CTSO: variants seen among roughly 807,000 people sequenced by gnomAD.
The protein encoded by CTSO is cathepsin O.
CTSO carries 40 observed loss-of-function variants against 42.4 expected under a neutral mutation model. The ratio of observed to expected loss-of-function variants is 0.94; its 90% CI spans 0.73 to 1.23. The LOEUF (loss-of-function observed/expected upper bound fraction) is 1.23. CTSO is among the 50% of genes most tolerant of loss of function. The pLI, the probability that CTSO is intolerant of heterozygous loss-of-function variation, is 0.00. For missense variants in CTSO, 441 were observed against 396.0 expected (o/e 1.11, Z -0.96); for synonymous variants, 156 against 146.2 (o/e 1.07, Z -0.48).
chr4:155,933,882 CAG>C (rs1743282327), intron 5 of CTSO, among the ~76,000 whole-genome samples: 1 of 152,134 alleles, frequency 6.6e-6, no homozygotes, highest in Non-Finnish European at 1.5e-5. Flanking sequence ...AAAGGGAAAA[CAG>C]AGCATAAAAG....
intron 7 of CTSO, among the ~76,000 whole-genome samples, chr4:155,927,545 A>C (rs1743150414): frequency 6.6e-6 from 1 of 152,124 alleles, no homozygotes. Flanking sequence ...CAAGGAGGGC[A>C]GATCACGAGG....
intron 5 of CTSO, among the ~76,000 whole-genome samples, chr4:155,931,281 G>T (rs1272642212): frequency 1.3e-5 from 2 of 152,056 alleles, no homozygotes; most frequent in African/African-American, 2.4e-5. Flanking sequence ...CCAGAACACA[G>T]CCGTCTCCAT....
At chr4:155,951,553 C>G (rs1370111376) in intron 1 of CTSO, among the ~76,000 whole-genome samples, 8 of 152,166 alleles carry the variant, frequency 5.3e-5, no homozygotes, top group African/African-American at 1.9e-4. Flanking sequence ...TTTCATTTAA[C>G]GTGCATTCCT....
intron 1 of CTSO, among the ~76,000 whole-genome samples, chr4:155,948,894 A>T (rs1313788994): frequency 6.6e-6 from 1 of 152,204 alleles, no homozygotes; most frequent in Non-Finnish European, 1.5e-5. Context: ...TGTTTCCTTA[A>T]TCTACTTCCC....
rs186980553 is a variant in CTSO, at chr4:155,947,548, T to C, written c.136-4284A>G. Among the ~76,000 whole-genome samples, 323 of 152,350 alleles carry C rather than the reference T, an allele frequency of 2.1e-3. 2 individuals are homozygous for C. The highest frequency in any genetic ancestry group is 7.5e-3 in the African/African-American group (313 of 41,574). On this transcript the variant is annotated intron_variant, in intron 1 of 7. Coordinates refer to ENST00000433477, the MANE Select transcript of CTSO (RefSeq NM_001334.3). ...TACTATCAGTATATCCAAGAATATC[T>C]ATTCTCTTATTTATTTATTGTCTTG...
intron 5 of CTSO, among the ~76,000 whole-genome samples, chr4:155,932,390 C>T (rs1235836546): frequency 6.6e-6 from 1 of 152,144 alleles, no homozygotes; most frequent in Non-Finnish European, 1.5e-5. Context: ...GAGTCTCAGG[C>T]ATCCACCATA....
chr4:155,927,747 C>A (rs1743155809), intron 7 of CTSO, among the ~76,000 whole-genome samples: 1 of 152,106 alleles, frequency 6.6e-6, no homozygotes, highest in African/African-American at 2.4e-5. Context: ...TGCACTCCAG[C>A]CTGGGAGACA....
At chr4:155,926,506 C>T (rs1374731266) in intron 7 of CTSO, among the ~76,000 whole-genome samples, 1 of 152,126 alleles carries the variant, frequency 6.6e-6, no homozygotes, top group Non-Finnish European at 1.5e-5. Flanking sequence ...TTTCTTTACA[C>T]ACGAGAACAC....
chr4:155,927,614 A>T (rs999990570), intron 7 of CTSO, among the ~76,000 whole-genome samples: 4 of 152,094 alleles, frequency 2.6e-5, no homozygotes, highest in Non-Finnish European at 4.4e-5. Flanking sequence ...CTAAAAATAC[A>T]AAAACAAAAA....
intron 4 of CTSO, among the ~76,000 whole-genome samples, chr4:155,938,004 C>T (rs539520627): frequency 6.6e-6 from 1 of 152,192 alleles, no homozygotes; most frequent in Admixed American, 6.6e-5. Context: ...CTTTCCTTCT[C>T]CCTTACTTCT....
At chr4:155,944,768 G>A (rs917636308) in intron 1 of CTSO, among the ~76,000 whole-genome samples, 8 of 152,070 alleles carry the variant, frequency 5.3e-5, no homozygotes, top group African/African-American at 1.9e-4. Flanking sequence ...CTGACAGCTG[G>A]TTTTTGATTA....
intron 1 of CTSO, among the ~76,000 whole-genome samples, chr4:155,949,835 G>T (rs1281991856): frequency 6.6e-6 from 1 of 152,170 alleles, no homozygotes; most frequent in African/African-American, 2.4e-5. Context: ...TTGTCATACT[G>T]GGGATTGTCA....
At chr4:155,942,289 T>C in intron 3 of CTSO, 28 bp downstream of exon 3, 1 of 1,533,470 alleles carries the variant, frequency 6.5e-7, no homozygotes, top group Non-Finnish European at 8.8e-7. Flanking sequence ...GCTTAGATGA[T>C]TAGAAAAGAA....
rs557705267 is a variant in CTSO, at chr4:155,943,929, T to C, written c.136-665A>G. 2.0e-5 allele frequency among the ~76,000 whole-genome samples: 3 copies of C among 152,334 alleles called. No homozygotes were observed. In the East Asian group the frequency reaches 5.8e-4, roughly 29 times the overall value. On this transcript the variant is annotated intron_variant, in intron 1 of 7. Transcript: ENST00000433477. ...GACAATTTATCTTAAGCTTATCTTTTATATATAAACATGCTTCAATTTCGT... is the reference window on the plus strand; with the variant it reads ...GACAATTTATCTTAAGCTTATCTTTCATATATAAACATGCTTCAATTTCGT...
At chr4:155,937,298 A>G in intron 5 of CTSO, 64 bp downstream of exon 5, 1 of 1,346,866 alleles carries the variant, frequency 7.4e-7, no homozygotes, top group South Asian at 1.3e-5. Flanking sequence ...ACAAATTATT[A>G]ACCAGTCAAT....
chr4:155,953,858 G>C lies in CTSO; in HGVS notation c.-11C>G, dbSNP rs1743727392. Reference sequence around the variant, plus strand: ...CGCCCGCACGTCCATTGCGGCGCCCGGCTCCTCTGCCGCCCGCGCGGCCTG... The same window carrying C: ...CGCCCGCACGTCCATTGCGGCGCCCCGCTCCTCTGCCGCCCGCGCGGCCTG... On this transcript the variant is annotated 5_prime_UTR_variant, in exon 1 of 8. Transcript: ENST00000433477. 3.1e-6 allele frequency: 4 copies of C among 1,270,444 alleles called. No homozygotes were observed. The African/African-American group carries it at 4.7e-5, about 15-fold the overall frequency. 78.7% of individuals were successfully genotyped at this position (1,270,444 alleles called of 1,614,324 possible).
chr4:155,939,392 A>G lies in CTSO; in HGVS notation c.531T>C (p.Asn177=). Residue 177 remains asparagine (N), a synonymous_variant, in exon 4 of 8, where the codon AAT becomes AAC. Coordinates refer to ENST00000433477, the MANE Select transcript of CTSO (RefSeq NM_001334.3). The stretch of plus-strand genomic sequence containing the variant: ...TCACCTTGTTTAACCAGTTCAAAGC[A>G]TTGAGAGTAGAGCCTCCATTGCAGC... ...NYGCNGGSTL[N]ALNWLNKMQV... is the part of the protein sequence containing the mutation. 1 of 1,613,708 alleles carries G rather than the reference A, an allele frequency of 6.2e-7. No homozygotes were observed.
intron 5 of CTSO, among the ~76,000 whole-genome samples, chr4:155,933,744 C>T (rs185037576): frequency 4.5e-4 from 68 of 152,250 alleles, no homozygotes; most frequent in African/African-American, 1.5e-3. Flanking sequence ...CAGCATTTTG[C>T]CACTGCCCTA....
chr4:155,939,981 C>T (rs1743400502), intron 3 of CTSO, among the ~76,000 whole-genome samples: 1 of 152,110 alleles, frequency 6.6e-6, no homozygotes, highest in African/African-American at 2.4e-5. Context: ...ACACCACTTC[C>T]ATCCTAAGGG....
Sources: allele counts gnomAD v4.1 joint callset (sites outside exome capture counted in the v4.1 genomes callset), GRCh38; gene constraint gnomAD v4.1.1; transcripts MANE v1.5; gene names NCBI Gene and HGNC (gene_info 2026-07-23, HGNC 2026-07-21).